KIF21A: variants seen among roughly 807,000 people sequenced by gnomAD.
KIF21A encodes the protein kinesin-like protein KIF21A.
KIF21A carries 114 observed loss-of-function variants against 202.9 expected under a neutral mutation model. That is an observed-to-expected ratio of 0.56 (90% confidence interval 0.48 to 0.66). The LOEUF is 0.66. KIF21A is among the 30% of genes least tolerant of loss of function. KIF21A has a pLI of 0.00. For missense variants in KIF21A, 1,677 were observed against 1,994.9 expected (o/e 0.84, Z 3.04); for synonymous variants, 667 against 670.8 (o/e 0.99, Z 0.09).
Position 39,342,096 on chromosome 12 carries a change from T to C in KIF21A, c.1741A>G (p.Thr581Ala). The C allele has an allele frequency of 1.9e-6, 3 of 1,611,538 alleles. No individual in the cohort carries two copies. Among genetic ancestry groups the C allele is most frequent in the Non-Finnish European group, 2.5e-6 (3 of 1,177,998 alleles). Residue 581 changes from threonine (T) to alanine (A), a missense_variant, in exon 13 of 38, where the codon ACT becomes GCT. Thr to Ala is a moderately conservative substitution (Grantham distance 58). Transcript: ENST00000361418. Reference protein sequence around the residue: ...SVAGKEDNTDTDQEKKEEKGV... With the variant: ...SVAGKEDNTDADQEKKEEKGV... ...TTTTCTTCTTTCTTCTCTTGGTCAG[T>C]GTCTGTATTATCCTCTTTACCAGCC...
In KIF21A at chr12:39,332,756, T is replaced by G; in HGVS notation, c.2703-12A>C. ...TCTGATATTTTTTCCTATAATCATA[T>G]AAAACAGACAAGCTCAATTACTTAT... On this transcript the variant is annotated splice_polypyrimidine_tract_variant and intron_variant, in intron 19 of 37. Transcript: ENST00000361418. 6.2e-7 allele frequency: 1 copy of G among 1,613,872 alleles called. No homozygotes were observed. The highest frequency in any genetic ancestry group is 8.5e-7 in the Non-Finnish European group (1 of 1,179,854).
At chr12:39,333,942 C>T (rs938170292) in intron 17 of KIF21A, among the ~76,000 whole-genome samples, 4 of 151,688 alleles carry the variant, frequency 2.6e-5, no homozygotes, top group Non-Finnish European at 5.9e-5. Flanking sequence ...TTGCTCATGC[C>T]TGTAATCCCA....
At chr12:39,414,214 G>C (rs1001530578) in intron 1 of KIF21A, among the ~76,000 whole-genome samples, 8 of 152,100 alleles carry the variant, frequency 5.3e-5, no homozygotes, top group African/African-American at 1.7e-4. Context: ...ATCAGGAATG[G>C]TCATATAAAG....
At chr12:39,368,929 G>A (rs1949778552) in intron 3 of KIF21A, among the ~76,000 whole-genome samples, 2 of 152,118 alleles carry the variant, frequency 1.3e-5, no homozygotes, top group South Asian at 4.1e-4. Flanking sequence ...TCCTCTTAGT[G>A]TTATTTTCCT....
chr12:39,362,444 A>C (rs1454125998), intron 7 of KIF21A, among the ~76,000 whole-genome samples: 1 of 152,174 alleles, frequency 6.6e-6, no homozygotes, highest in African/African-American at 2.4e-5. Context: ...TTTAAATCCC[A>C]AAAATGTTTC....
At chr12:39,411,755 T>G (rs1418738772) in intron 1 of KIF21A, among the ~76,000 whole-genome samples, 1 of 152,192 alleles carries the variant, frequency 6.6e-6, no homozygotes, top group Non-Finnish European at 1.5e-5. Flanking sequence ...CAGGCTGATC[T>G]TGAACTCCTG....
intron 11 of KIF21A, among the ~76,000 whole-genome samples, chr12:39,351,331 T>G (rs1193588477): frequency 6.6e-6 from 1 of 152,048 alleles, no homozygotes; most frequent in Non-Finnish European, 1.5e-5. Context: ...TGACATTACA[T>G]GACATTCTGA....
chr12:39,316,006 T>G, intron 29 of KIF21A, 36 bp from the exon 30 acceptor site: 1 of 1,440,058 alleles, frequency 6.9e-7, no homozygotes, highest in Non-Finnish European at 9.8e-7. Context: ...AGAGAAAGAA[T>G]ACAGATGTCA....
At chr12:39,384,195 C>CT (rs532598591) in intron 1 of KIF21A, among the ~76,000 whole-genome samples, 9 of 151,684 alleles carry the variant, frequency 5.9e-5, no homozygotes, top group Non-Finnish European at 1.3e-4. Flanking sequence ...ATGTGCTTTG[C>CT]TTTTTTTTAA....
At chr12:39,399,609 AG>A (rs1952015030) in intron 1 of KIF21A, among the ~76,000 whole-genome samples, 1 of 152,240 alleles carries the variant, frequency 6.6e-6, no homozygotes, top group East Asian at 1.9e-4. Context: ...TGTATGCACG[AG>A]GTCTTAATTT....
chr12:39,325,821 A>G lies in KIF21A; in HGVS notation c.3456+18T>C, dbSNP rs771066283. 7.0e-6 allele frequency: 11 copies of G among 1,574,988 alleles called. No homozygotes were observed. The South Asian group carries it at 1.2e-4, about 17-fold the overall frequency. On this transcript the variant is annotated intron_variant, in intron 26 of 37. Coordinates refer to ENST00000361418, the MANE Select transcript of KIF21A (RefSeq NM_001173464.2). ...ATGGTGTAAAACATGTTTACCTGAT[A>G]CTTTTAGTTCTCCTTACCTTGTTCT...
At position 39,303,155 on chromosome 12, in the gene KIF21A, G is replaced by A. The variant is rs1943127109; in HGVS notation, c.4561-20C>T. ...AAACATCTAAAAAGGTAGAAACAAA[G>A]CAGTTATCCTATTTAACTTGCAAAT... is the stretch of plus-strand genomic sequence containing the variant. On this transcript the variant is annotated intron_variant, in intron 35 of 37. Coordinates refer to ENST00000361418, the MANE Select transcript of KIF21A (RefSeq NM_001173464.2). 1 of 1,612,070 alleles carries A rather than the reference G, an allele frequency of 6.2e-7. No individual in the cohort carries two copies. Among genetic ancestry groups the A allele is most frequent in the Non-Finnish European group, 8.5e-7 (1 of 1,178,470 alleles).
At chr12:39,360,963 C>T (rs567030241) in intron 7 of KIF21A, among the ~76,000 whole-genome samples, 10 of 152,272 alleles carry the variant, frequency 6.6e-5, no homozygotes, top group African/African-American at 2.4e-4. Flanking sequence ...TGCTTTTGCA[C>T]TAGGAATGCA....
At chr12:39,425,021 C>G (rs920054314) in intron 1 of KIF21A, among the ~76,000 whole-genome samples, 18 of 152,136 alleles carry the variant, frequency 1.2e-4, no homozygotes, top group African/African-American at 4.1e-4. Flanking sequence ...TTTTCTATAT[C>G]TGGCTATACT....
chr12:39,332,793 AT>A, intron 19 of KIF21A, 49 bp from the exon 20 acceptor site: 14 of 1,601,876 alleles, frequency 8.7e-6, no homozygotes, highest in Non-Finnish European at 1.2e-5. Context: ...CACTTATTTG[AT>A]TGTGCACTGC....
At chr12:39,313,690 G>A (rs1227676906) in intron 31 of KIF21A, among the ~76,000 whole-genome samples, 4 of 151,584 alleles carry the variant, frequency 2.6e-5, no homozygotes, top group Non-Finnish European at 5.9e-5. Flanking sequence ...TATATTGCCT[G>A]AAAAAAATCA....
At chr12:39,418,383 A>G (rs1953959541) in intron 1 of KIF21A, among the ~76,000 whole-genome samples, 1 of 152,168 alleles carries the variant, frequency 6.6e-6, no homozygotes, top group South Asian at 2.1e-4. Context: ...CATAGCAAAC[A>G]TTGTTCAATC....
intron 34 of KIF21A, among the ~76,000 whole-genome samples, chr12:39,306,182 T>G (rs1943456626): frequency 6.7e-6 from 1 of 149,816 alleles, no homozygotes; most frequent in East Asian, 2.0e-4. Flanking sequence ...ACTATTCTCT[T>G]AGTTCCTTTG....
At chr12:39,405,805 A>G (rs926194437) in intron 1 of KIF21A, among the ~76,000 whole-genome samples, 1 of 152,216 alleles carries the variant, frequency 6.6e-6, no homozygotes, top group South Asian at 2.1e-4. Flanking sequence ...AAATGACTAA[A>G]AACACGAAGT....
Sources: allele counts gnomAD v4.1 joint callset (sites outside exome capture counted in the v4.1 genomes callset), GRCh38; gene constraint gnomAD v4.1.1; transcripts MANE v1.5; gene names NCBI Gene and HGNC (gene_info 2026-07-23, HGNC 2026-07-21).